IL17RE: variants seen among roughly 807,000 people sequenced by gnomAD.
IL17RE encodes the protein interleukin-17 receptor E.
A neutral mutation model predicts 70.7 loss-of-function variants in IL17RE; 47 were observed. That is an observed-to-expected ratio of 0.67 (90% CI 0.53 to 0.85). The LOEUF is 0.85. Among genes scored for constraint, IL17RE ranks in the 40% least tolerant of loss-of-function variants. The pLI is 0.00. For missense variants in IL17RE, 850 were observed against 893.9 expected (o/e 0.95, Z 0.63); for synonymous variants, 372 against 381.2 (o/e 0.98, Z 0.28).
Position 9,915,640 on chromosome 3 carries a change from TACCGCCTGCTGCGCG to T in IL17RE, c.1841_1855del (p.Arg614_Asp618del). On this transcript the variant is annotated inframe_deletion, in exon 16 of 16. Transcript: ENST00000383814. This position sits in a 1 kb window ranked among gnomAD's most constrained non-coding sequence, Gnocchi z 4.9. The stretch of plus-strand genomic sequence containing the variant: ...CCCGCCGCTGCGCGCCCTGCCGCGC[TACCGCCTGCTGCGCG>T]ACCTGCCGCGTCTGCTGCGGGCGCT... 4 of 1,411,312 alleles carry T rather than the reference TACCGCCTGCTGCGCG, an allele frequency of 2.8e-6. No individual in the cohort carries two copies. The highest frequency in any genetic ancestry group is 2.8e-6 in the Non-Finnish European group (3 of 1,088,028). The allele number at this position is 1,411,312 out of a possible 1,614,324, so 87.4% of individuals were successfully genotyped here. A position where few individuals can be genotyped will look rare whatever the true frequency, so the allele number is the denominator to read the frequency against.
chr3:9,909,349 A>G, intron 8 of IL17RE, 66 bp downstream of exon 8: 1 of 1,261,042 alleles, frequency 7.9e-7, no homozygotes, highest in Non-Finnish European at 1.1e-6. Context: ...TCCTACACAC[A>G]CATGTACACA....
At chr3:9,907,939 AGC>A (rs2082798179) in intron 6 of IL17RE, among the ~76,000 whole-genome samples, 1 of 152,188 alleles carries the variant, frequency 6.6e-6, no homozygotes, top group Non-Finnish European at 1.5e-5. Context: ...CTGTGATGCT[AGC>A]ATGGAGTTAA....
intron 3 of IL17RE, among the ~76,000 whole-genome samples, chr3:9,906,048 G>A (rs373128596): frequency 1.3e-5 from 2 of 151,828 alleles, no homozygotes; most frequent in Non-Finnish European, 2.9e-5. Flanking sequence ...TTGGGAGTTC[G>A]AGACCAGCCT....
intron 1 of IL17RE, 106 bp from the exon 2 acceptor site, chr3:9,903,291 T>C (rs1300362070): frequency 3.8e-6 from 5 of 1,317,044 alleles, no homozygotes; most frequent in Non-Finnish European, 4.4e-6. Context: ...GCTATGGGGC[T>C]CAGAATTTGC....
chr3:9,906,140 T>C (rs545214256), intron 3 of IL17RE, among the ~76,000 whole-genome samples: 6 of 151,994 alleles, frequency 3.9e-5, no homozygotes, highest in South Asian at 4.2e-4. Context: ...TCCCAGCTAC[T>C]TGGGAGGCTG....
intron 1 of IL17RE, 163 bp downstream of exon 1, chr3:9,903,227 G>T: frequency 1.0e-6 from 1 of 956,456 alleles, no homozygotes; most frequent in South Asian, 1.5e-5. Flanking sequence ...TTTGTGCTGA[G>T]GGCCTGGACA....
intron 3 of IL17RE, among the ~76,000 whole-genome samples, chr3:9,904,537 C>A (rs1362786232): frequency 6.6e-6 from 1 of 152,162 alleles, no homozygotes; most frequent in African/African-American, 2.4e-5. Flanking sequence ...GTAATCCCAA[C>A]ACTTTGGGAG....
chr3:9,906,766 C>T lies in IL17RE; in HGVS notation c.427C>T (p.Pro143Ser). The change falls in exon 5 of 16, where the codon CCA becomes TCA. Residue 143 changes from proline (P) to serine (S), a missense_variant. Coordinates refer to ENST00000383814, the MANE Select transcript of IL17RE (RefSeq NM_153480.2). Reference sequence around the variant, plus strand: ...GAGCCATCACATTTCCATCCCCTCCCCAGACATCTCCCACAAGGGACTTCG... The same window carrying T: ...GAGCCATCACATTTCCATCCCCTCCTCAGACATCTCCCACAAGGGACTTCG... The part of the protein sequence containing the change: ...EKSHHISIPS[P>S]DISHKGLRSK... 1 of 1,614,172 alleles carries T rather than the reference C, an allele frequency of 6.2e-7. No homozygotes were observed.
chr3:9,903,216 CT>C, intron 1 of IL17RE, 152 bp downstream of exon 1: 2 of 964,436 alleles, frequency 2.1e-6, no homozygotes, highest in South Asian at 3.0e-5. Flanking sequence ...AGCCAAGGTC[CT>C]TTGTGCTGAG....
intron 12 of IL17RE, among the ~76,000 whole-genome samples, chr3:9,913,234 T>C (rs1286888950): frequency 6.6e-6 from 1 of 151,760 alleles, no homozygotes. Context: ...GCAAAACCCG[T>C]CTCTACTAAA....
rs761598923 is a variant in IL17RE at position 9,909,255 on chromosome 3, A to G, written c.774A>G (p.Lys258=). The G allele has an allele frequency of 9.9e-6, 16 of 1,613,958 alleles. No homozygotes were observed. The highest frequency in any genetic ancestry group is 1.6e-4 in the Middle Eastern group (1 of 6,074). Reference sequence around the variant, plus strand: ...AAGAGGACACTGTGAGGCGCAAAAAATGTCCCTTCCAGAGCTGGCCAGAAG... The same window carrying G: ...AAGAGGACACTGTGAGGCGCAAAAAGTGTCCCTTCCAGAGCTGGCCAGAAG... The part of the protein sequence containing the change: ...YLQEDTVRRK[K]CPFQSWPEAY... Residue 258 remains lysine, a synonymous_variant, in exon 8 of 16, where the codon AAA becomes AAG. Transcript: ENST00000383814.
Position 9,913,947 on chromosome 3 carries a change from T to C in IL17RE, c.1228-9T>C, listed in dbSNP as rs76329010. ...CTGGGGACAGCCTTTCTGCTCTTTG[T>C]TTCTACAGGCCCGGGGCTCAAGCCC... On this transcript the variant is annotated splice_polypyrimidine_tract_variant and intron_variant, in intron 12 of 15. Coordinates refer to ENST00000383814, the MANE Select transcript of IL17RE (RefSeq NM_153480.2). 5.9e-3 allele frequency: 9,579 copies of C among 1,613,132 alleles called. 47 individuals carry two copies. Among genetic ancestry groups the C allele is most frequent in the Non-Finnish European group, 7.2e-3 (8,492 of 1,179,062 alleles).
Position 9,915,461 on chromosome 3 carries a change from G to A in IL17RE, c.1658G>A (p.Gly553Asp). ...AARTRVAREQ[G>D]TVLLLWSGAD... ...CGGACGCGCGTAGCGCGGGAGCAGG[G>A]CACTGTGCTGCTGCTGTGGAGCGGC... Residue 553 changes from glycine to aspartate, a missense_variant, in exon 16 of 16, where the codon GGC (glycine) becomes GAC (aspartate). Physicochemically the swap from Gly to Asp is moderately conservative, Grantham distance 94. Transcript: ENST00000383814. The surrounding 1 kb of genome is among the most constrained non-coding windows in gnomAD (Gnocchi z 4.9). 7.4e-7 allele frequency: 1 copy of A among 1,353,354 alleles called. No individual in the cohort carries two copies. The highest frequency in any genetic ancestry group is 9.4e-7 in the Non-Finnish European group (1 of 1,061,740). The allele number at this position is 1,353,354 out of a possible 1,614,324, so 83.8% of individuals were successfully genotyped here.
At chr3:9,911,863 G>A (rs144213711) in intron 12 of IL17RE, 312 of 329,366 alleles carry the variant, frequency 9.5e-4, no homozygotes, top group African/African-American at 4.7e-3. Context: ...GTGCAGTGGC[G>A]CGATCTCGGC....
upstream of IL17RE, chr3:9,902,581 C>G (rs1378442021): frequency 1.3e-6 from 2 of 1,516,074 alleles, no homozygotes; most frequent in African/African-American, 2.8e-5. Context: ...TGGATCAGAT[C>G]TGCAGTGTGT....
chr3:9,912,160 G>A lies in IL17RE; in HGVS notation c.1227+563G>A, dbSNP rs111717502. On this transcript the variant is annotated intron_variant, in intron 12 of 15. Coordinates refer to ENST00000383814, the MANE Select transcript of IL17RE (RefSeq NM_153480.2). ...AAACCCTATTGTGAACGGTGCATGC[G>A]AGGGATCTTGGTTGTGAGCTACTTA... 6.6e-3 allele frequency among the ~76,000 whole-genome samples: 999 copies of A among 152,264 alleles called. 8 individuals are homozygous for A. Among genetic ancestry groups the A allele is most frequent in the African/African-American group, 0.022 (915 of 41,546 alleles).
intron 3 of IL17RE, 45 bp from the exon 4 acceptor site, chr3:9,906,318 GA>G: frequency 9.2e-7 from 1 of 1,084,356 alleles, no homozygotes. Context: ...CCAGGCAGGG[GA>G]GGGGGTAATG....
rs769975137 is a variant in IL17RE, at chr3:9,904,146, GC to G, written c.264del (p.Ser89GlnfsTer104). The G allele has an allele frequency of 1.2e-6, 2 of 1,613,994 alleles. No homozygotes were observed. The highest frequency in any genetic ancestry group is 1.7e-6 in the Non-Finnish European group (2 of 1,179,994). ...TTGTGCCAGCATCTGCTGTCAGGTG[GC>G]TCAGGTATGAGAAACAGCCCCTTGG... ...RCLCQHLLSGGSGLQRGLFHL... is the reference protein window; with the variant it reads ...RCLCQHLLSGXSGLQRGLFHL... On this transcript the variant is annotated frameshift_variant, in exon 3 of 16. Coordinates refer to ENST00000383814, the MANE Select transcript of IL17RE (RefSeq NM_153480.2). LOFTEE classifies it high-confidence loss of function.
intron 3 of IL17RE, 78 bp downstream of exon 3, chr3:9,904,229 T>A: frequency 6.6e-7 from 1 of 1,519,264 alleles, no homozygotes; most frequent in East Asian, 2.3e-5. Context: ...CAAGTGGGAC[T>A]TACTAGAACA....
Sources: allele counts gnomAD v4.1 joint callset (sites outside exome capture counted in the v4.1 genomes callset), GRCh38; gene constraint gnomAD v4.1.1; non-coding constraint Gnocchi (gnomAD v3.1); transcripts MANE v1.5; gene names NCBI Gene and HGNC (gene_info 2026-07-23, HGNC 2026-07-21).